UHRF2: variants seen among roughly 807,000 people sequenced by gnomAD.
UHRF2 encodes ubiquitin like with PHD and ring finger domains 2, also known as E3 ubiquitin-protein ligase UHRF2.
A neutral mutation model predicts 96.8 loss-of-function variants in UHRF2; 23 were observed. That is an observed-to-expected ratio of 0.24 (90% CI 0.17 to 0.34). The LOEUF (loss-of-function observed/expected upper bound fraction) is 0.34, where lower values mean the gene tolerates loss of function less well. Among genes scored for constraint, UHRF2 ranks in the 10% least tolerant of loss-of-function variants. The probability of loss-of-function intolerance (pLI) is 1.00; values close to 1 mark genes in which losing one functional copy is unlikely to be tolerated. For synonymous variants in UHRF2, 385 were observed against 332.6 expected, an observed-to-expected ratio of 1.16 and a Z score of -1.72; for missense variants, 685 against 981.5, an observed-to-expected ratio of 0.70 and a Z score of 4.04.
At chr9:6,490,955 A>G (rs1203309998) in intron 9 of UHRF2, among the ~76,000 whole-genome samples, 1 of 152,254 alleles carries the variant, frequency 6.6e-6, no homozygotes, top group East Asian at 1.9e-4. Context: ...CATTTAAGAA[A>G]AAAAGTTTCC....
In UHRF2 at chr9:6,413,364, G is replaced by C; in HGVS notation, c.-127G>C. 1.0e-6 allele frequency: 1 copy of C among 996,544 alleles called. No individual in the cohort carries two copies. The highest frequency in any genetic ancestry group is 1.3e-6 in the Non-Finnish European group (1 of 789,578). 61.7% of individuals were successfully genotyped at this position (996,544 alleles called of 1,614,324 possible). A position where few individuals can be genotyped will look rare whatever the true frequency, so the allele number is the denominator to read the frequency against. On this transcript the variant is annotated 5_prime_UTR_variant, in exon 1 of 16. Coordinates refer to ENST00000276893, the MANE Select transcript of UHRF2 (RefSeq NM_152896.3). Reference sequence around the variant, plus strand: ...GTCGGGCCCGGCGTCCGGTCGGTCCGGTGGGCGCGCTCGCCCGCCTGCCGC... The same window carrying C: ...GTCGGGCCCGGCGTCCGGTCGGTCCCGTGGGCGCGCTCGCCCGCCTGCCGC...
At chr9:6,423,827 C>A (rs1193544164) in intron 2 of UHRF2, among the ~76,000 whole-genome samples, 1 of 151,910 alleles carries the variant, frequency 6.6e-6, no homozygotes, top group Non-Finnish European at 1.5e-5. Context: ...TGCCTGTAAT[C>A]CCAGCTACTC....
In UHRF2 at chr9:6,413,535, C is replaced by T. The variant is rs1324526308; in HGVS notation, c.45C>T (p.Thr15=). 1 of 1,594,796 alleles carries T rather than the reference C, an allele frequency of 6.3e-7. No individual in the cohort carries two copies. The highest frequency in any genetic ancestry group is 8.5e-7 in the Non-Finnish European group (1 of 1,171,674). ...VRTIDGSKTC[T]IEDVSRKATI... ...CCATTGATGGCTCCAAGACGTGCAC[C>T]ATTGAGGACGTGTCTCGCAAAGCCA... Residue 15 remains threonine (T), a synonymous_variant, in exon 1 of 16, where the codon ACC becomes ACT. Transcript: ENST00000276893.
intron 1 of UHRF2, among the ~76,000 whole-genome samples, chr9:6,417,742 T>G (rs781635155): frequency 1.3e-4 from 20 of 152,220 alleles, no homozygotes. Context: ...ATGTAACTTA[T>G]AGGGTCTCAT....
At chr9:6,427,502 C>G (rs1820324547) in intron 2 of UHRF2, among the ~76,000 whole-genome samples, 1 of 152,068 alleles carries the variant, frequency 6.6e-6, no homozygotes, top group African/African-American at 2.4e-5. Context: ...TCCTGGCCAA[C>G]ATGGTGAAAC....
intron 4 of UHRF2, among the ~76,000 whole-genome samples, chr9:6,462,903 C>T (rs1266522252): frequency 6.0e-5 from 9 of 149,478 alleles, no homozygotes; most frequent in Non-Finnish European, 8.9e-5. Context: ...GGCTACAGAG[C>T]GAGACTCTGT....
At chr9:6,414,834 T>G (rs769544048) in intron 1 of UHRF2, among the ~76,000 whole-genome samples, 7 of 152,238 alleles carry the variant, frequency 4.6e-5, no homozygotes, top group Non-Finnish European at 8.8e-5. Flanking sequence ...CCTTCTCTCT[T>G]TAAAATAATG....
At chr9:6,477,439 T>C (rs1405798692) in intron 5 of UHRF2, among the ~76,000 whole-genome samples, 183 bp from the exon 6 acceptor site, 3 of 151,798 alleles carry the variant, frequency 2.0e-5, no homozygotes, top group Admixed American at 1.3e-4. Context: ...GGCGGGAGAA[T>C]CGCTTGAACC....
At chr9:6,474,824 T>A (rs1262899652) in intron 4 of UHRF2, among the ~76,000 whole-genome samples, 1 of 152,204 alleles carries the variant, frequency 6.6e-6, no homozygotes, top group Admixed American at 6.5e-5. Context: ...AAGTATGGTG[T>A]AGTATTTGAA....
intron 4 of UHRF2, among the ~76,000 whole-genome samples, chr9:6,474,175 A>G (rs915922108): frequency 2.0e-5 from 3 of 152,248 alleles, no homozygotes; most frequent in African/African-American, 7.2e-5. Context: ...TGGTGGTCAC[A>G]ACGGATGTGC....
At position 6,481,702 on chromosome 9, in the gene UHRF2, A is replaced by G. The variant is rs2130910366; in HGVS notation, c.1220A>G (p.Lys407Arg). ...GTTGTAAAGGCTGGTGAAAGACTCA[A>G]GATGAGTAAAAAGAAAGCAAAGATG... ...SEVVKAGERL[K>R]MSKKKAKMPS... is the part of the protein sequence containing the mutation. Residue 407 changes from lysine (K) to arginine (R), a missense_variant, in exon 7 of 16, where the codon AAG becomes AGG. By Grantham distance (26) the Lys-to-Arg change is conservative. This residue lies in a region of UHRF2 where 391 missense variants were observed against 437.0 expected (regional missense o/e 0.89). Coordinates refer to ENST00000276893, the MANE Select transcript of UHRF2 (RefSeq NM_152896.3). The G allele has an allele frequency of 6.2e-7, 1 of 1,613,982 alleles. No individual in the cohort carries two copies. Among genetic ancestry groups the G allele is most frequent in the Non-Finnish European group, 8.5e-7 (1 of 1,179,902 alleles).
intron 6 of UHRF2, among the ~76,000 whole-genome samples, chr9:6,478,120 A>G (rs986137258): frequency 6.6e-6 from 1 of 152,148 alleles, no homozygotes; most frequent in Non-Finnish European, 1.5e-5. Context: ...ACCCTGTGTG[A>G]TATTTAGTTG....
intron 14 of UHRF2, among the ~76,000 whole-genome samples, chr9:6,501,273 C>T (rs1816276552): frequency 6.6e-6 from 1 of 152,152 alleles, no homozygotes; most frequent in African/African-American, 2.4e-5. Context: ...TATCAAATCC[C>T]TAAAGTTGGA....
At chr9:6,435,241 G>A (rs955422568) in intron 3 of UHRF2, among the ~76,000 whole-genome samples, 4 of 152,010 alleles carry the variant, frequency 2.6e-5, no homozygotes, top group African/African-American at 7.2e-5. Flanking sequence ...TGATCTGCCC[G>A]CCTCAGCCTT....
chr9:6,446,981 C>T (rs891759242), intron 3 of UHRF2, among the ~76,000 whole-genome samples: 5 of 151,824 alleles, frequency 3.3e-5, no homozygotes, highest in African/African-American at 9.7e-5. Context: ...CTCCGCCTCC[C>T]GGGTTCACGC....
intron 1 of UHRF2, among the ~76,000 whole-genome samples, chr9:6,417,766 TAGA>T (rs1370361644): frequency 6.6e-6 from 1 of 152,204 alleles, no homozygotes; most frequent in Non-Finnish European, 1.5e-5. Context: ...GTGATATGCT[TAGA>T]CATGGTGCTC....
chr9:6,476,923 G>A (rs373779568), intron 5 of UHRF2, among the ~76,000 whole-genome samples: 1 of 152,068 alleles, frequency 6.6e-6, no homozygotes, highest in Non-Finnish European at 1.5e-5. Flanking sequence ...CCTCACACTT[G>A]ATTATTCTTT....
At chr9:6,498,978 A>G (rs1825120302) in intron 12 of UHRF2, 1 of 152,194 alleles carries the variant, frequency 6.6e-6, no homozygotes, top group South Asian at 2.1e-4. Context: ...TGTCTTTTTA[A>G]ACTCATAGAA....
chr9:6,431,773 G>A (rs1260301857), intron 2 of UHRF2, among the ~76,000 whole-genome samples: 3 of 152,168 alleles, frequency 2.0e-5, no homozygotes, highest in African/African-American at 7.2e-5. Flanking sequence ...CTGCCTGCTA[G>A]TATCTTACAT....
Sources: allele counts gnomAD v4.1 joint callset (sites outside exome capture counted in the v4.1 genomes callset), GRCh38; gene constraint gnomAD v4.1.1; regional missense constraint gnomAD v4.1.1; transcripts MANE v1.5; gene names NCBI Gene and HGNC (gene_info 2026-07-23, HGNC 2026-07-21).